ANXA6: variants seen among roughly 807,000 people sequenced by gnomAD.
ANXA6 encodes the protein 67 kDa calelectrin.
Under a neutral mutation model 95.4 loss-of-function variants are expected in ANXA6, and 71 were observed. The ratio of observed to expected loss-of-function variants is 0.74; its 90% confidence interval spans 0.61 to 0.91. The LOEUF is 0.91. ANXA6 is among the 40% of genes least tolerant of loss of function. The pLI, the probability that ANXA6 is intolerant of heterozygous loss-of-function variation, is 0.00. For missense variants in ANXA6, 830 were observed against 876.4 expected, an observed-to-expected ratio of 0.95 and a Z score of 0.67; for synonymous variants, 289 against 315.9, an observed-to-expected ratio of 0.91 and a Z score of 0.90.
Position 151,124,279 on chromosome 5 carries a change from C to T in ANXA6, c.1138+7G>A. ...GACCAACCCTGCTCCCTTCCCATCC[C>T]CCATACCGAGTCCCTTCATGGCTTT... is the stretch of plus-strand genomic sequence containing the variant. On this transcript the variant is annotated splice_region_variant and intron_variant, in intron 15 of 25. Transcript: ENST00000354546. 1.2e-6 allele frequency: 2 copies of T among 1,613,286 alleles called. No individual in the cohort carries two copies. Among genetic ancestry groups the T allele is most frequent in the Middle Eastern group, 3.3e-4 (2 of 6,062 alleles).
chr5:151,103,535 C>T (rs1340689489), intron 25 of ANXA6, 35 bp downstream of exon 25: 1 of 1,589,844 alleles, frequency 6.3e-7, no homozygotes, highest in South Asian at 1.1e-5. Context: ...CTGACACTCA[C>T]CCGCTTCCTG....
At chr5:151,115,197 A>C (rs1764963668) in intron 20 of ANXA6, among the ~76,000 whole-genome samples, 1 of 152,234 alleles carries the variant, frequency 6.6e-6, no homozygotes, top group Non-Finnish European at 1.5e-5. Context: ...TAAAGAATCC[A>C]CTTTTATATA....
intron 25 of ANXA6, among the ~76,000 whole-genome samples, chr5:151,103,210 T>C (rs1764596799): frequency 6.6e-6 from 1 of 152,208 alleles, no homozygotes; most frequent in African/African-American, 2.4e-5. Context: ...TTGGCCAGGC[T>C]GGTCTTGAAC....
At chr5:151,128,516 G>A (rs532119194) in intron 12 of ANXA6, 24 of 420,862 alleles carry the variant, frequency 5.7e-5, no homozygotes, top group African/African-American at 3.2e-4. Flanking sequence ...ACCAATATGC[G>A]GAGTTGAGAA....
intron 11 of ANXA6, 56 bp downstream of exon 11, chr5:151,131,175 A>G: frequency 1.3e-6 from 2 of 1,582,390 alleles, no homozygotes; most frequent in South Asian, 1.1e-5. Flanking sequence ...AGGACTTGTC[A>G]AAGACTCCCA....
intron 23 of ANXA6, among the ~76,000 whole-genome samples, chr5:151,107,158 A>G (rs1372523861): frequency 6.6e-6 from 1 of 152,168 alleles, no homozygotes. Context: ...CGTGCAACTA[A>G]CTTTGCGCAG....
chr5:151,107,930 G>A (rs1269290348), intron 23 of ANXA6, among the ~76,000 whole-genome samples: 1 of 152,106 alleles, frequency 6.6e-6, no homozygotes, highest in Admixed American at 6.5e-5. Flanking sequence ...GTGTGCATGG[G>A]TCATGTGTGC....
At chr5:151,147,089 G>C (rs1350648853) in intron 2 of ANXA6, among the ~76,000 whole-genome samples, 1 of 152,088 alleles carries the variant, frequency 6.6e-6, no homozygotes, top group Non-Finnish European at 1.5e-5. Flanking sequence ...GAGCACAGTC[G>C]AGGTCAGAAT....
rs775145062 is a variant in ANXA6 at position 151,129,478 on chromosome 5, C to A, written c.847G>T (p.Glu283Ter). The change falls in exon 12 of 26, where the codon GAG (glutamate) becomes TAG (stop). Residue 283 changes from glutamate to a stop codon, truncating the protein, a stop_gained. Coordinates refer to ENST00000354546, the MANE Select transcript of ANXA6 (RefSeq NM_001155.5). LOFTEE classifies it high-confidence loss of function. ...TLIRIMVSRSELDMLDIREIF... is the reference protein window; with the variant it reads ...TLIRIMVSRS ...TCCCGAATGTCGAGCATGTCCAACT[C>A]ACTACGGGAGACCATGATGCGGATC... 1.2e-6 allele frequency: 2 copies of A among 1,612,650 alleles called. No homozygotes were observed. Among genetic ancestry groups the A allele is most frequent in the Non-Finnish European group, 1.7e-6 (2 of 1,179,516 alleles).
In ANXA6 at chr5:151,147,913, C is replaced by A. The variant is rs755916176; in HGVS notation, c.-12G>T. ...GCTGGTTTGGCCATGGTCTCCGGTTCGCAGCAGAATCCACTGTAGAGAAGA... is the reference window on the plus strand; with the variant it reads ...GCTGGTTTGGCCATGGTCTCCGGTTAGCAGCAGAATCCACTGTAGAGAAGA... On this transcript the variant is annotated 5_prime_UTR_variant, in exon 2 of 26. Transcript: ENST00000354546. The A allele has an allele frequency of 3.1e-6, 5 of 1,602,758 alleles. No individual in the cohort carries two copies. The highest frequency in any genetic ancestry group is 1.1e-5 in the South Asian group (1 of 89,168).
chr5:151,120,521 A>T (rs935761333), intron 17 of ANXA6, among the ~76,000 whole-genome samples: 7 of 151,954 alleles, frequency 4.6e-5, no homozygotes, highest in Admixed American at 4.6e-4. Flanking sequence ...GTTCAAGACC[A>T]CGCTGGCAAA....
intron 14 of ANXA6, among the ~76,000 whole-genome samples, chr5:151,125,648 A>G (rs1197977735): frequency 1.3e-5 from 2 of 152,184 alleles, no homozygotes; most frequent in Admixed American, 6.6e-5. Context: ...ATTGGAAAGG[A>G]GTGCCTTTCT....
At chr5:151,138,432 A>G (rs937768613) in intron 5 of ANXA6, among the ~76,000 whole-genome samples, 1 of 152,156 alleles carries the variant, frequency 6.6e-6, no homozygotes, top group African/African-American at 2.4e-5. Context: ...ATTTGTCTCC[A>G]TGTCCCTATA....
chr5:151,101,957 T>TG (rs1214629139), intron 25 of ANXA6, among the ~76,000 whole-genome samples: 2 of 152,346 alleles, frequency 1.3e-5, no homozygotes, highest in East Asian at 3.9e-4. Context: ...CCTGGCACTC[T>TG]GCTGATACCC....
chr5:151,122,928 G>A lies in ANXA6; in HGVS notation c.1222C>T (p.His408Tyr). The change falls in exon 16 of 26, where the codon CAC (histidine) becomes TAC (tyrosine). Residue 408 changes from histidine to tyrosine, a missense_variant. His to Tyr is a moderately conservative substitution (Grantham distance 83). Transcript: ENST00000354546. ...RQQIRQTFKS[H>Y]FGRDLMTDLK... The stretch of plus-strand genomic sequence containing the variant: ...GAGGAGGTCCTTACCCGGCCAAAGT[G>A]AGACTTGAAGGTCTGCCGGATCTGC... 4 of 1,613,940 alleles carry A rather than the reference G, an allele frequency of 2.5e-6. No homozygotes were observed. Among genetic ancestry groups the A allele is most frequent in the Non-Finnish European group, 2.5e-6 (3 of 1,179,868 alleles).
intron 1 of ANXA6, among the ~76,000 whole-genome samples, chr5:151,153,098 C>T (rs947297255): frequency 3.9e-5 from 6 of 152,180 alleles, no homozygotes; most frequent in Admixed American, 2.6e-4. Flanking sequence ...TAATACTGGG[C>T]CTCTAAGCTC....
chr5:151,141,305 A>G lies in ANXA6; in HGVS notation c.19-1062T>C, dbSNP rs113510600. Reference sequence around the variant, plus strand: ...GCACTTCATTTGTGCTAGGCCCTACACTAATGGCTGAGGAATTGGGGAGAA... The same window carrying G: ...GCACTTCATTTGTGCTAGGCCCTACGCTAATGGCTGAGGAATTGGGGAGAA... On this transcript the variant is annotated intron_variant, in intron 2 of 25. Coordinates refer to ENST00000354546, the MANE Select transcript of ANXA6 (RefSeq NM_001155.5). Among the ~76,000 whole-genome samples, 1,468 of 152,264 alleles carry G rather than the reference A, an allele frequency of 9.6e-3. 38 individuals are homozygous for G. Among genetic ancestry groups the G allele is most frequent in the African/African-American group, 0.033 (1,376 of 41,534 alleles).
At chr5:151,136,722 CTT>C (rs1765674087) in intron 6 of ANXA6, among the ~76,000 whole-genome samples, 1 of 152,244 alleles carries the variant, frequency 6.6e-6, no homozygotes, top group Non-Finnish European at 1.5e-5. Flanking sequence ...CCATCTCTCT[CTT>C]GGCCTGCAGG....
chr5:151,121,830 C>G (rs566968257), intron 17 of ANXA6, among the ~76,000 whole-genome samples: 2 of 152,312 alleles, frequency 1.3e-5, no homozygotes, highest in Admixed American at 1.3e-4. Context: ...TCTGCTGGAG[C>G]CGCTAGCTGG....
Sources: gnomAD v4.1 joint callset for allele counts (sites outside exome capture counted in the v4.1 genomes callset) on GRCh38, gnomAD v4.1.1 for gene constraint, MANE v1.5 for transcripts, NCBI Gene and HGNC (gene_info 2026-07-23, HGNC 2026-07-21) for gene names.